WWOX: variants seen among roughly 807,000 people sequenced by gnomAD.
WWOX encodes WW domain containing oxidoreductase, also known as WW domain-containing oxidoreductase.
WWOX carries 69 observed loss-of-function variants against 46.2 expected under a neutral mutation model. That is an observed-to-expected ratio of 1.49 (90% confidence interval 1.23 to 1.82). The LOEUF is 1.82. WWOX is among the 40% of genes most tolerant of loss of function. The probability of loss-of-function intolerance (pLI) is 0.00; values close to 1 mark genes in which losing one functional copy is unlikely to be tolerated. For missense variants in WWOX, 919 were observed against 542.6 expected, an observed-to-expected ratio of 1.69 and a Z score of -6.89; for synonymous variants, 359 against 202.6, an observed-to-expected ratio of 1.77 and a Z score of -6.56.
At chr16:78,851,245 C>G (rs1056555359) in intron 8 of WWOX, among the ~76,000 whole-genome samples, 2 of 152,150 alleles carry the variant, frequency 1.3e-5, no homozygotes, top group African/African-American at 2.4e-5. Context: ...TTCACAGAAA[C>G]TGATGTGTAA....
chr16:79,069,066 C>T (rs916656689), intron 8 of WWOX, among the ~76,000 whole-genome samples: 17 of 152,196 alleles, frequency 1.1e-4, no homozygotes, highest in South Asian at 2.1e-4. Context: ...ATCAGTAAAG[C>T]GCAGAGCAGA....
intron 5 of WWOX, among the ~76,000 whole-genome samples, chr16:78,206,983 A>G (rs996965204): frequency 1.3e-5 from 2 of 152,216 alleles, no homozygotes; most frequent in African/African-American, 2.4e-5. Flanking sequence ...TTTCATCAAG[A>G]TAGATTCCTT....
At chr16:78,334,750 A>C (rs1935924967) in intron 5 of WWOX, among the ~76,000 whole-genome samples, 1 of 151,786 alleles carries the variant, frequency 6.6e-6, no homozygotes, top group Non-Finnish European at 1.5e-5. Context: ...AAATTTCCAA[A>C]GAATTAAAAC....
intron 8 of WWOX, among the ~76,000 whole-genome samples, chr16:78,826,181 C>T (rs757202181): frequency 6.6e-6 from 1 of 152,130 alleles, no homozygotes; most frequent in African/African-American, 2.4e-5. Flanking sequence ...ATGGTGAAAC[C>T]CTGTCTCTAC....
At chr16:78,237,671 A>G (rs754692943) in intron 5 of WWOX, 5 of 152,188 alleles carry the variant, frequency 3.3e-5, no homozygotes, top group Non-Finnish European at 7.3e-5. Context: ...TAGTTCTTAC[A>G]TTTTCAATCA....
At chr16:78,464,111 C>A (rs1395124272) in intron 8 of WWOX, among the ~76,000 whole-genome samples, 1 of 152,118 alleles carries the variant, frequency 6.6e-6, no homozygotes, top group Non-Finnish European at 1.5e-5. Context: ...GGCTCTGACC[C>A]ATTCATCTGA....
chr16:79,167,846 C>G (rs1224383368), intron 8 of WWOX, among the ~76,000 whole-genome samples: 1 of 152,108 alleles, frequency 6.6e-6, no homozygotes, highest in East Asian at 1.9e-4. Flanking sequence ...TTTTTAGTTT[C>G]AAAACTTTGT....
At chr16:78,501,363 T>A (rs1158816192) in intron 8 of WWOX, among the ~76,000 whole-genome samples, 2 of 151,962 alleles carry the variant, frequency 1.3e-5, no homozygotes, top group East Asian at 3.9e-4. Flanking sequence ...TAAGATGACC[T>A]CCTCTAGCCG....
intron 4 of WWOX, among the ~76,000 whole-genome samples, chr16:78,156,939 A>G (rs556217461): frequency 8.5e-5 from 13 of 152,300 alleles, no homozygotes; most frequent in East Asian, 3.9e-4. Context: ...TCAGTCAGTC[A>G]ATCAGTCAAT....
At chr16:78,368,413 T>A (rs960769222) in intron 5 of WWOX, among the ~76,000 whole-genome samples, 1 of 152,178 alleles carries the variant, frequency 6.6e-6, no homozygotes, top group African/African-American at 2.4e-5. Context: ...TGTGGACTCA[T>A]AAAGTCACTG....
intron 6 of WWOX, among the ~76,000 whole-genome samples, chr16:78,404,949 T>C (rs1476008277): frequency 6.6e-6 from 1 of 152,214 alleles, no homozygotes; most frequent in East Asian, 1.9e-4. Flanking sequence ...TAAGTGCCAT[T>C]GGGGCACAAT....
intron 8 of WWOX, among the ~76,000 whole-genome samples, chr16:78,634,653 C>G (rs371493165): frequency 2.0e-5 from 3 of 150,856 alleles, no homozygotes; most frequent in African/African-American, 7.4e-5. Flanking sequence ...TTGCAGTGAG[C>G]CAAGATTGCG....
At chr16:78,927,166 A>G (rs1443975455) in intron 8 of WWOX, among the ~76,000 whole-genome samples, 5 of 152,202 alleles carry the variant, frequency 3.3e-5, no homozygotes, top group Non-Finnish European at 7.3e-5. Flanking sequence ...CCTGTATAAA[A>G]TGGACCTTGT....
chr16:79,079,100 C>T (rs1331286431), intron 8 of WWOX, among the ~76,000 whole-genome samples: 1 of 152,178 alleles, frequency 6.6e-6, no homozygotes, highest in Admixed American at 6.5e-5. Flanking sequence ...ACTTCTTGTT[C>T]ATGTAACATC....
chr16:78,602,434 A>G (rs370766500), intron 8 of WWOX, among the ~76,000 whole-genome samples: 3 of 152,086 alleles, frequency 2.0e-5, no homozygotes, highest in Admixed American at 1.3e-4. Context: ...GGGTTTCACT[A>G]TATTGGCCAG....
intron 5 of WWOX, among the ~76,000 whole-genome samples, chr16:78,325,559 A>T (rs866119347): frequency 2.0e-5 from 3 of 152,238 alleles, no homozygotes; most frequent in South Asian, 4.2e-4. Context: ...CATAATCTTC[A>T]GTTAGTGATC....
rs145037149 is a variant in WWOX at position 78,858,644 on chromosome 16, C to G, written c.1057-352964C>G. Among the ~76,000 whole-genome samples, 17 of 151,940 alleles carry G rather than the reference C, an allele frequency of 1.1e-4. 1 individual carries two copies. The East Asian group carries it at 3.3e-3, about 30-fold the overall frequency. On this transcript the variant is annotated intron_variant, in intron 8 of 8. Transcript: ENST00000566780. ...GAGGAGGGAATTTTCTTTCTTTTTT[C>G]TTTACCTGTCATGTTTGAATTGTGT... is the stretch of plus-strand genomic sequence containing the variant.
intron 8 of WWOX, among the ~76,000 whole-genome samples, chr16:79,126,472 G>C (rs576979345): frequency 6.6e-6 from 1 of 152,212 alleles, no homozygotes; most frequent in South Asian, 2.1e-4. Context: ...TGATGGCTTT[G>C]TAAGTGTTTG....
chr16:78,206,193 A>G (rs2151782036), intron 5 of WWOX, among the ~76,000 whole-genome samples: 1 of 152,274 alleles, frequency 6.6e-6, no homozygotes, highest in South Asian at 2.1e-4. Flanking sequence ...GTATGATATA[A>G]TAACAGCTAT....
Sources: gnomAD v4.1 joint callset for allele counts (sites outside exome capture counted in the v4.1 genomes callset) on GRCh38, gnomAD v4.1.1 for gene constraint, MANE v1.5 for transcripts, NCBI Gene and HGNC (gene_info 2026-07-23, HGNC 2026-07-21) for gene names.